Variants in CCDC126 observed in about 807,000 individuals in gnomAD.
CCDC126 encodes the protein coiled-coil domain-containing protein 126.
Under a neutral mutation model 11.7 loss-of-function variants are expected in CCDC126, and 5 were observed. The observed-to-expected ratio is 0.43, with a 90% CI of 0.22 to 0.90. The LOEUF (loss-of-function observed/expected upper bound fraction) is 0.90. Among genes scored for constraint, CCDC126 ranks in the 40% least tolerant of loss-of-function variants. The probability of loss-of-function intolerance (pLI) is 0.27; values close to 1 mark genes in which losing one functional copy is unlikely to be tolerated. For synonymous variants in CCDC126, 60 were observed against 61.9 expected, an observed-to-expected ratio of 0.97 and a Z score of 0.14; for missense variants, 150 against 163.1, an observed-to-expected ratio of 0.92 and a Z score of 0.44.
At chr7:23,615,377 A>G (rs1782780425) in intron 3 of CCDC126, among the ~76,000 whole-genome samples, 1 of 152,240 alleles carries the variant, frequency 6.6e-6, no homozygotes, top group Non-Finnish European at 1.5e-5. Context: ...GCTTAAGAGA[A>G]TGTTGTGGCT....
At chr7:23,618,952 C>T (rs1782842185) in intron 3 of CCDC126, among the ~76,000 whole-genome samples, 1 of 151,874 alleles carries the variant, frequency 6.6e-6, no homozygotes, top group African/African-American at 2.4e-5. Flanking sequence ...GGTCAGATAC[C>T]CTGGAGAAGC....
intron 2 of CCDC126, among the ~76,000 whole-genome samples, chr7:23,606,912 G>A (rs1002192582): frequency 2.0e-5 from 3 of 151,678 alleles, no homozygotes; most frequent in Non-Finnish European, 4.4e-5. Context: ...ACTGGGCAAC[G>A]TAATGAGACC....
At chr7:23,612,644 G>C (rs1782736692) in intron 3 of CCDC126, among the ~76,000 whole-genome samples, 1 of 151,984 alleles carries the variant, frequency 6.6e-6, no homozygotes, top group Admixed American at 6.6e-5. Context: ...CTGTACTCCA[G>C]CCTAGGCAAG....
At chr7:23,627,381 T>A (rs2128019565) in intron 3 of CCDC126, among the ~76,000 whole-genome samples, 1 of 151,898 alleles carries the variant, frequency 6.6e-6, no homozygotes, top group South Asian at 2.1e-4. Flanking sequence ...GTGGCTCACC[T>A]GTAATCCCAG....
At position 23,606,301 on chromosome 7, in the gene CCDC126, G is replaced by A. The variant is rs1463524896; in HGVS notation, c.-145-4870G>A. On this transcript the variant is annotated intron_variant, in intron 2 of 3. Coordinates refer to ENST00000307471, the MANE Select transcript of CCDC126 (RefSeq NM_138771.4). ...TCTCGATCTCCTGACCTCGTGATCT[G>A]CCTGCCTTGGCCTCCCAAAGTGCTG... is the stretch of plus-strand genomic sequence containing the variant. Among the ~76,000 whole-genome samples, 20 of 152,180 alleles carry A rather than the reference G, an allele frequency of 1.3e-4. No individual in the cohort carries two copies. The East Asian group carries it at 3.5e-3, about 27-fold the overall frequency.
intron 3 of CCDC126, among the ~76,000 whole-genome samples, chr7:23,637,415 C>T (rs1179289668): frequency 5.1e-5 from 3 of 59,146 alleles, no homozygotes; most frequent in African/African-American, 1.3e-4. Flanking sequence ...CCAGCCGCCC[C>T]GTCCGGGAGG....
intron 2 of CCDC126, chr7:23,602,085 G>A (rs1245155987): frequency 6.6e-6 from 1 of 152,120 alleles, no homozygotes; most frequent in African/African-American, 2.4e-5. Context: ...TTAAATATTT[G>A]GTTGTTTACA....
chr7:23,613,478 G>A (rs1782748850), intron 3 of CCDC126, among the ~76,000 whole-genome samples: 1 of 151,938 alleles, frequency 6.6e-6, no homozygotes, highest in South Asian at 2.1e-4. Context: ...GATTATTTCT[G>A]CATCTAAATA....
intron 3 of CCDC126, among the ~76,000 whole-genome samples, chr7:23,639,503 TC>T (rs573655222): frequency 2.2e-4 from 34 of 152,202 alleles, no homozygotes; most frequent in African/African-American, 8.2e-4. Flanking sequence ...TCGCACCCAG[TC>T]CTCTTTATAT....
chr7:23,626,787 AT>A (rs1196606080), intron 3 of CCDC126, among the ~76,000 whole-genome samples: 1 of 152,162 alleles, frequency 6.6e-6, no homozygotes, highest in Non-Finnish European at 1.5e-5. Flanking sequence ...ATTAGCTAAT[AT>A]TTTTTAAAAA....
chr7:23,620,545 G>C (rs1048267940), intron 3 of CCDC126, among the ~76,000 whole-genome samples: 1 of 151,512 alleles, frequency 6.6e-6, no homozygotes, highest in Non-Finnish European at 1.5e-5. Context: ...TCACTCTGAT[G>C]GTAGTTTCTT....
Position 23,611,285 on chromosome 7 carries a change from C to A in CCDC126, c.-31C>A. Reference sequence around the variant, plus strand: ...TGGCTTACCTCAAGTTACCATTTTTCAGTCAAGTCTGTTTGTTTGCTTCTT... The same window carrying A: ...TGGCTTACCTCAAGTTACCATTTTTAAGTCAAGTCTGTTTGTTTGCTTCTT... On this transcript the variant is annotated 5_prime_UTR_variant, in exon 3 of 4. Coordinates refer to ENST00000307471, the MANE Select transcript of CCDC126 (RefSeq NM_138771.4). 7.4e-7 allele frequency: 1 copy of A among 1,350,398 alleles called. No individual in the cohort carries two copies. Among genetic ancestry groups the A allele is most frequent in the Admixed American group, 1.8e-5 (1 of 55,546 alleles). The allele number at this position is 1,350,398 out of a possible 1,614,324, so 83.7% of individuals were successfully genotyped here.
intron 2 of CCDC126, among the ~76,000 whole-genome samples, chr7:23,603,687 C>G (rs1382133776): frequency 6.6e-6 from 1 of 152,190 alleles, no homozygotes; most frequent in African/African-American, 2.4e-5. Context: ...ATTGAAGGTA[C>G]TTTACCCCCA....
chr7:23,606,817 G>C (rs1782630519), intron 2 of CCDC126, among the ~76,000 whole-genome samples: 1 of 152,054 alleles, frequency 6.6e-6, no homozygotes, highest in African/African-American at 2.4e-5. Flanking sequence ...GCTCACACCT[G>C]CCATCCCTTT....
chr7:23,633,857 A>G (rs1288675291), intron 3 of CCDC126, among the ~76,000 whole-genome samples: 1 of 151,950 alleles, frequency 6.6e-6, no homozygotes, highest in Non-Finnish European at 1.5e-5. Flanking sequence ...CCCTGTATCC[A>G]AAAAAAAGAA....
intron 3 of CCDC126, among the ~76,000 whole-genome samples, chr7:23,635,979 C>T (rs1429937972): frequency 6.6e-6 from 1 of 152,166 alleles, no homozygotes; most frequent in Non-Finnish European, 1.5e-5. Flanking sequence ...CTGCAACCTC[C>T]CTGCCTGATT....
intron 2 of CCDC126, among the ~76,000 whole-genome samples, chr7:23,605,188 A>T (rs1466775418): frequency 6.6e-6 from 1 of 152,176 alleles, no homozygotes; most frequent in African/African-American, 2.4e-5. Context: ...CTGAGGTCAG[A>T]AAGAATTTAA....
chr7:23,603,416 G>C (rs966818010), intron 2 of CCDC126, among the ~76,000 whole-genome samples: 4 of 152,094 alleles, frequency 2.6e-5, no homozygotes, highest in Non-Finnish European at 5.9e-5. Context: ...AAGCAAAAAA[G>C]AACAAAACTT....
chr7:23,637,782 T>G (rs1257875743), intron 3 of CCDC126, among the ~76,000 whole-genome samples: 1 of 73,002 alleles, frequency 1.4e-5, no homozygotes, highest in Non-Finnish European at 2.9e-5. Context: ...AGCCGCCCAG[T>G]CCGGGAGGGA....
Sources: gnomAD v4.1 joint callset for allele counts (sites outside exome capture counted in the v4.1 genomes callset) on GRCh38, gnomAD v4.1.1 for gene constraint, MANE v1.5 for transcripts, NCBI Gene and HGNC (gene_info 2026-07-23, HGNC 2026-07-21) for gene names.